Variants in INPP4B observed in about 807,000 individuals in gnomAD.
INPP4B encodes inositol polyphosphate-4-phosphatase type II B, also known as inositol polyphosphate 4-phosphatase type II.
Under a neutral mutation model 122.5 loss-of-function variants are expected in INPP4B, and 55 were observed. The ratio of observed to expected loss-of-function variants is 0.45; its 90% CI spans 0.36 to 0.56. INPP4B has a LOEUF of 0.56. Ranked by LOEUF, INPP4B falls within the 20% of genes least tolerant of loss-of-function variation. INPP4B has a pLI of 0.00. For synonymous variants in INPP4B, 403 were observed against 388.7 expected, an observed-to-expected ratio of 1.04 and a Z score of -0.43; for missense variants, 1,000 against 1,097.7, an observed-to-expected ratio of 0.91 and a Z score of 1.26.
At chr4:142,608,670 A>G (rs138568515) in intron 2 of INPP4B, among the ~76,000 whole-genome samples, 1 of 152,260 alleles carries the variant, frequency 6.6e-6, no homozygotes, top group East Asian at 1.9e-4. Context: ...CCTACTCTGT[A>G]CAACACCCTC....
In INPP4B at chr4:142,108,147, A is replaced by G; in HGVS notation, c.2320T>C (p.Phe774Leu). The G allele has an allele frequency of 6.2e-7, 1 of 1,601,800 alleles. No individual in the cohort carries two copies. Among genetic ancestry groups the G allele is most frequent in the Non-Finnish European group, 8.5e-7 (1 of 1,169,690 alleles). The part of the protein sequence containing the change: ...SLQESINQEN[F>L]ELLQEYYKIF... ...TTGTAATATTCTTGTAGAAGTTCGAAGTTTTCCTGATTAATACTTTCTTGC... is the reference window on the plus strand; with the variant it reads ...TTGTAATATTCTTGTAGAAGTTCGAGGTTTTCCTGATTAATACTTTCTTGC... Residue 774 changes from phenylalanine to leucine, a missense_variant, in exon 23 of 26, where the codon TTC becomes CTC. Phe to Leu is a conservative substitution (Grantham distance 22, BLOSUM62 0). Coordinates refer to ENST00000262992, the MANE Select transcript of INPP4B (RefSeq NM_001101669.3).
intron 2 of INPP4B, among the ~76,000 whole-genome samples, chr4:142,625,076 C>T (rs1370014066): frequency 6.7e-6 from 1 of 149,836 alleles, no homozygotes; most frequent in Non-Finnish European, 1.5e-5. Flanking sequence ...TGGCACAAGA[C>T]AGGGATGCCC....
At chr4:142,070,260 T>TA (rs1766358353) in intron 25 of INPP4B, among the ~76,000 whole-genome samples, 1 of 152,026 alleles carries the variant, frequency 6.6e-6, no homozygotes, top group South Asian at 2.1e-4. Flanking sequence ...AATAGAAGCA[T>TA]AAAATGCCTT....
At chr4:142,459,657 G>GA (rs950881244) in intron 3 of INPP4B, among the ~76,000 whole-genome samples, 2 of 152,022 alleles carry the variant, frequency 1.3e-5, no homozygotes, top group African/African-American at 4.8e-5. Flanking sequence ...ATCAATGAAT[G>GA]AAAAAAATCA....
intron 9 of INPP4B, among the ~76,000 whole-genome samples, chr4:142,289,178 T>TA (rs1755232386): frequency 6.6e-6 from 1 of 152,214 alleles, no homozygotes; most frequent in Admixed American, 6.5e-5. Flanking sequence ...AGTGAATTTT[T>TA]AAAATATGGT....
chr4:142,495,638 C>T (rs1366988851), intron 2 of INPP4B, among the ~76,000 whole-genome samples: 2 of 152,050 alleles, frequency 1.3e-5, no homozygotes, highest in Non-Finnish European at 2.9e-5. Flanking sequence ...AAAAAGGTGC[C>T]AGCACTCTGC....
At chr4:142,484,398 C>G (rs942406809) in intron 2 of INPP4B, among the ~76,000 whole-genome samples, 5 of 151,790 alleles carry the variant, frequency 3.3e-5, no homozygotes, top group Non-Finnish European at 7.4e-5. Flanking sequence ...TAAAGAAAAG[C>G]TTGTATATAG....
At chr4:142,805,935 T>G (rs977098208) in intron 1 of INPP4B, among the ~76,000 whole-genome samples, 7 of 152,050 alleles carry the variant, frequency 4.6e-5, no homozygotes, top group Admixed American at 6.6e-5. Context: ...GTGAATAAAG[T>G]CAAGGTATGG....
intron 7 of INPP4B, among the ~76,000 whole-genome samples, chr4:142,341,563 T>G (rs1386961142): frequency 6.6e-6 from 1 of 152,180 alleles, no homozygotes; most frequent in African/African-American, 2.4e-5. Context: ...TATAATTTCC[T>G]GGCCTTGAGG....
chr4:142,449,607 C>T (rs1813702190), intron 3 of INPP4B, among the ~76,000 whole-genome samples: 1 of 151,330 alleles, frequency 6.6e-6, no homozygotes, highest in African/African-American at 2.4e-5. Flanking sequence ...GAGGCTGAGA[C>T]AGGAGAATCG....
At chr4:142,591,582 G>C (rs188753005) in intron 2 of INPP4B, among the ~76,000 whole-genome samples, 1 of 152,144 alleles carries the variant, frequency 6.6e-6, no homozygotes, top group East Asian at 1.9e-4. Flanking sequence ...CTTAAATGTG[G>C]TCTGTGTACA....
chr4:142,708,390 C>T (rs1176085908), intron 2 of INPP4B, among the ~76,000 whole-genome samples: 2 of 152,114 alleles, frequency 1.3e-5, no homozygotes, highest in Non-Finnish European at 2.9e-5. Flanking sequence ...GGGGAAAATG[C>T]CTCAAAGGCA....
At chr4:142,500,679 A>G (rs1823248469) in intron 2 of INPP4B, among the ~76,000 whole-genome samples, 1 of 152,202 alleles carries the variant, frequency 6.6e-6, no homozygotes, top group African/African-American at 2.4e-5. Context: ...GGGACTGCTA[A>G]TATCTCTTCA....
At chr4:142,367,845 C>A (rs906561712) in intron 7 of INPP4B, among the ~76,000 whole-genome samples, 1 of 152,098 alleles carries the variant, frequency 6.6e-6, no homozygotes, top group African/African-American at 2.4e-5. Flanking sequence ...GCTCCCTGGG[C>A]TGGAAGGATT....
At chr4:142,563,899 C>G (rs1006055053) in intron 2 of INPP4B, among the ~76,000 whole-genome samples, 5 of 152,260 alleles carry the variant, frequency 3.3e-5, no homozygotes, top group Admixed American at 6.5e-5. Context: ...GAAGCAGAGC[C>G]TTTTCACTGA....
At chr4:142,435,811 T>C (rs966641966) in intron 3 of INPP4B, among the ~76,000 whole-genome samples, 5 of 152,100 alleles carry the variant, frequency 3.3e-5, no homozygotes, top group Non-Finnish European at 7.4e-5. Flanking sequence ...CCCATGCCAC[T>C]GGGGCCTAGG....
chr4:142,506,498 A>G (rs916368757), intron 2 of INPP4B, among the ~76,000 whole-genome samples: 4 of 152,194 alleles, frequency 2.6e-5, no homozygotes, highest in Non-Finnish European at 4.4e-5. Flanking sequence ...AGCCTGTTAT[A>G]GAAAATCCAA....
At chr4:142,519,799 A>G (rs1825856206) in intron 2 of INPP4B, among the ~76,000 whole-genome samples, 1 of 152,136 alleles carries the variant, frequency 6.6e-6, no homozygotes, top group African/African-American at 2.4e-5. Context: ...AAAATATGAT[A>G]AAATTTGAGA....
intron 2 of INPP4B, among the ~76,000 whole-genome samples, chr4:142,651,772 C>T (rs574638706): frequency 2.0e-5 from 3 of 152,292 alleles, no homozygotes; most frequent in South Asian, 4.1e-4. Flanking sequence ...GGTAGATTCA[C>T]AGCTGAAATC....
Sources: allele counts gnomAD v4.1 joint callset (sites outside exome capture counted in the v4.1 genomes callset), GRCh38; gene constraint gnomAD v4.1.1; transcripts MANE v1.5; gene names NCBI Gene and HGNC (gene_info 2026-07-23, HGNC 2026-07-21).